Variants in PCDH15 observed in about 807,000 individuals in gnomAD.
PCDH15 encodes protocadherin related 15.
A neutral mutation model predicts 178.5 loss-of-function variants in PCDH15; 129 were observed. The observed-to-expected ratio is 0.72, with a 90% CI of 0.63 to 0.84. The LOEUF is 0.84. PCDH15 is among the 40% of genes least tolerant of loss of function. PCDH15 has a pLI of 0.00. For missense variants in PCDH15, 2,230 were observed against 2,099.9 expected, an observed-to-expected ratio of 1.06 and a Z score of -1.21; for synonymous variants, 800 against 732.0, an observed-to-expected ratio of 1.09 and a Z score of -1.50.
intron 2 of PCDH15, among the ~76,000 whole-genome samples, chr10:55,002,494 A>T (rs1300084979): frequency 1.1e-5 from 1 of 95,100 alleles, no homozygotes; most frequent in East Asian, 3.7e-4. Flanking sequence ...GAGTAACCTT[A>T]CCACATTAAT....
rs547408314 is a variant in PCDH15 at position 54,263,149 on chromosome 10, T to A, written c.877-26218A>T. 7.2e-5 allele frequency among the ~76,000 whole-genome samples: 11 copies of A among 152,334 alleles called. No individual in the cohort carries two copies. The South Asian group carries it at 1.7e-3, about 23-fold the overall frequency. Reference sequence around the variant, plus strand: ...TACCTAAGTTGTGTATCACAGCAACTGCGGACATACCCTAAAACCTGCTCT... The same window carrying A: ...TACCTAAGTTGTGTATCACAGCAACAGCGGACATACCCTAAAACCTGCTCT... On this transcript the variant is annotated intron_variant, in intron 8 of 37. Transcript: ENST00000644397.
At position 54,821,839 on chromosome 10, in the gene PCDH15, A is replaced by AT. The variant is rs926241403; in HGVS notation, c.-29+75610dup. Among the ~76,000 whole-genome samples the AT allele has an allele frequency of 4.0e-5, 6 of 151,574 alleles. No homozygotes were observed. In the East Asian group the frequency reaches 9.7e-4, roughly 25 times the overall value. On this transcript the variant is annotated intron_variant, in intron 3 of 5. Coordinates refer to the PCDH15 transcript ENST00000458638. ...GTAGGAACTCTAAGATTTTGGAGGA[A>AT]TTTTTTTTTATGCCTGTTTGTTTCT...
intron 3 of PCDH15, among the ~76,000 whole-genome samples, chr10:54,449,070 T>C (rs1347542804): frequency 6.6e-6 from 1 of 151,720 alleles, no homozygotes; most frequent in Non-Finnish European, 1.5e-5. Flanking sequence ...TCTCTATTCC[T>C]TGGCTACGGC....
intron 3 of PCDH15, among the ~76,000 whole-genome samples, chr10:54,469,341 C>T (rs1374801530): frequency 1.3e-5 from 2 of 152,180 alleles, no homozygotes; most frequent in East Asian, 3.9e-4. Flanking sequence ...AAGTAATCTG[C>T]CCGCCTCAGC....
rs754763054 is a variant in PCDH15 at position 54,023,023 on chromosome 10, G to A, written c.2395C>T (p.Arg799Cys). ...ATGGCCAAGGTTAGAGTTGAATGAC[G>A]AGGGTGTACTGCTCCATCTGTTGCC... is the stretch of plus-strand genomic sequence containing the variant. ...VVATDGAVHP[R>C]HSTLTLAIKV... Residue 799 changes from arginine to cysteine, a missense_variant, in exon 19 of 38, where the codon CGT becomes TGT. Arg to Cys is a radical substitution (Grantham distance 180, BLOSUM62 -3). Transcript: ENST00000644397. 8.1e-6 allele frequency: 13 copies of A among 1,613,916 alleles called. No individual in the cohort carries two copies. The highest frequency in any genetic ancestry group is 1.7e-5 in the Admixed American group (1 of 59,984).
chr10:54,366,213 C>A (rs1234240607), intron 5 of PCDH15, among the ~76,000 whole-genome samples: 1 of 151,956 alleles, frequency 6.6e-6, no homozygotes, highest in Non-Finnish European at 1.5e-5. Flanking sequence ...TTGGAAGCTT[C>A]TTTTATAAAT....
upstream of PCDH15, among the ~76,000 whole-genome samples, chr10:54,802,024 G>A (rs1457583632): frequency 6.6e-6 from 1 of 152,192 alleles, no homozygotes; most frequent in African/African-American, 2.4e-5. Flanking sequence ...CTGAGCATAT[G>A]AGAAGGAAGG....
At chr10:53,943,917 T>A (rs2086297732) in intron 23 of PCDH15, among the ~76,000 whole-genome samples, 1 of 152,086 alleles carries the variant, frequency 6.6e-6, no homozygotes, top group Admixed American at 6.5e-5. Context: ...ATAAAAATAA[T>A]ATTATTTTAT....
At chr10:55,478,643 T>C (rs1471440817) in intron 2 of PCDH15, among the ~76,000 whole-genome samples, 1 of 149,386 alleles carries the variant, frequency 6.7e-6, no homozygotes, top group Middle Eastern at 3.2e-3. Flanking sequence ...AAATAAATAA[T>C]AAAGATTAGA....
intron 2 of PCDH15, among the ~76,000 whole-genome samples, chr10:55,425,619 C>G (rs1459586428): frequency 6.6e-6 from 1 of 151,618 alleles, no homozygotes; most frequent in African/African-American, 2.4e-5. Flanking sequence ...TAAAAAAAAT[C>G]TTGTGGGTCT....
intron 13 of PCDH15, among the ~76,000 whole-genome samples, chr10:54,160,923 A>T (rs2045644887): frequency 6.6e-6 from 1 of 152,184 alleles, no homozygotes; most frequent in East Asian, 1.9e-4. Context: ...AGTGGGTGGT[A>T]AAATGGTACA....
intron 8 of PCDH15, among the ~76,000 whole-genome samples, chr10:54,252,203 CTT>C (rs2056537210): frequency 6.6e-6 from 1 of 152,098 alleles, no homozygotes; most frequent in South Asian, 2.1e-4. Flanking sequence ...ACTTAGACCC[CTT>C]GTTTCTAGTG....
intron 2 of PCDH15, among the ~76,000 whole-genome samples, chr10:55,546,109 C>T (rs150267782): frequency 7.2e-5 from 11 of 151,998 alleles, no homozygotes; most frequent in Non-Finnish European, 2.9e-5. Context: ...CTTACCTCAG[C>T]AAGCAAAGTG....
At chr10:54,282,831 A>G (rs534301089) in intron 8 of PCDH15, among the ~76,000 whole-genome samples, 1 of 152,300 alleles carries the variant, frequency 6.6e-6, no homozygotes, top group East Asian at 1.9e-4. Context: ...AGAAACTTTA[A>G]CAAGTTACAT....
Position 54,975,869 on chromosome 10 carries a change from C to T in PCDH15, c.-79-78369G>A, listed in dbSNP as rs530569836. Among the ~76,000 whole-genome samples, 5 of 152,210 alleles carry T rather than the reference C, an allele frequency of 3.3e-5. No homozygotes were observed. The South Asian group carries it at 1.0e-3, about 32-fold the overall frequency. ...AATTTATGTAACTTGTAAATTAGCA[C>T]ACTGGGGAATCCCTGAATGACTAAA... On this transcript the variant is annotated intron_variant, in intron 2 of 5. Coordinates refer to the PCDH15 transcript ENST00000458638.
chr10:53,891,705 C>G (rs556919299), intron 26 of PCDH15, among the ~76,000 whole-genome samples: 3 of 152,022 alleles, frequency 2.0e-5, no homozygotes, highest in East Asian at 1.9e-4. Flanking sequence ...GTAATCCCAG[C>G]ATTTTGGGAG....
chr10:55,599,886 A>C, intron 2 of PCDH15: 2 of 1,493,036 alleles, frequency 1.3e-6, no homozygotes, highest in Non-Finnish European at 1.8e-6. Flanking sequence ...TTCCCTAAGT[A>C]GGGACTTGTA....
At chr10:54,421,014 C>T (rs1758832) in intron 3 of PCDH15, among the ~76,000 whole-genome samples, 99,913 of 151,906 alleles carry the variant, frequency 0.66, 34,399 homozygotes, top group African/African-American at 0.79. Context: ...AAAAGCTTTT[C>T]GCTTCGCATG....
intron 2 of PCDH15, among the ~76,000 whole-genome samples, chr10:55,035,763 T>C (rs1840720092): frequency 6.6e-6 from 1 of 152,194 alleles, no homozygotes; most frequent in Non-Finnish European, 1.5e-5. Flanking sequence ...CACAAAGTTT[T>C]TCATAAATTA....
Sources: allele counts gnomAD v4.1 joint callset (sites outside exome capture counted in the v4.1 genomes callset), GRCh38; gene constraint gnomAD v4.1.1; transcripts MANE v1.5; gene names NCBI Gene and HGNC (gene_info 2026-07-23, HGNC 2026-07-21).